ASCC1: variants seen among roughly 807,000 people sequenced by gnomAD.
ASCC1 encodes the protein ASC-1 complex subunit P50.
A neutral mutation model predicts 46.6 loss-of-function variants in ASCC1; 35 were observed. The ratio of observed to expected loss-of-function variants is 0.75; its 90% confidence interval spans 0.57 to 0.99. The LOEUF is 0.99. ASCC1 is among the 50% of genes least tolerant of loss of function. ASCC1 has a pLI of 0.00. For synonymous variants in ASCC1, 143 were observed against 146.6 expected, an observed-to-expected ratio of 0.98 and a Z score of 0.18; for missense variants, 376 against 428.7, an observed-to-expected ratio of 0.88 and a Z score of 1.09.
intron 7 of ASCC1, among the ~76,000 whole-genome samples, chr10:72,147,972 A>G (rs566625195): frequency 9.2e-5 from 14 of 152,326 alleles, no homozygotes; most frequent in African/African-American, 3.4e-4. Context: ...TTTTTATAAT[A>G]TTTATGACAT....
At chr10:72,167,236 A>T (rs1345672706) in intron 5 of ASCC1, among the ~76,000 whole-genome samples, 1 of 152,218 alleles carries the variant, frequency 6.6e-6, no homozygotes, top group East Asian at 1.9e-4. Flanking sequence ...GAATAAACAA[A>T]ATGTAGGCTA....
At chr10:72,185,364 T>C (rs1853296643) in intron 5 of ASCC1, among the ~76,000 whole-genome samples, 1 of 152,150 alleles carries the variant, frequency 6.6e-6, no homozygotes, top group Non-Finnish European at 1.5e-5. Context: ...CATCCAAACA[T>C]CTATCAGAGT....
intron 5 of ASCC1, among the ~76,000 whole-genome samples, chr10:72,174,303 G>A (rs891530674): frequency 6.6e-6 from 1 of 152,190 alleles, no homozygotes; most frequent in Non-Finnish European, 1.5e-5. Flanking sequence ...CTCGAGTGGG[G>A]CAGAACTGCT....
chr10:72,175,711 C>T (rs929652832), intron 5 of ASCC1, among the ~76,000 whole-genome samples: 1 of 152,198 alleles, frequency 6.6e-6, no homozygotes, highest in African/African-American at 2.4e-5. Context: ...AGCATCTCCC[C>T]TCACTAAAGG....
chr10:72,108,979 G>C (rs1366656885), intron 9 of ASCC1, among the ~76,000 whole-genome samples: 2 of 152,182 alleles, frequency 1.3e-5, no homozygotes, highest in African/African-American at 4.8e-5. Context: ...AAGACAATGA[G>C]GGTGGCAGGT....
At chr10:72,161,912 T>C (rs1308781673) in intron 5 of ASCC1, among the ~76,000 whole-genome samples, 2 of 151,954 alleles carry the variant, frequency 1.3e-5, no homozygotes, top group African/African-American at 4.8e-5. Context: ...ATTAACAAAA[T>C]AGATCATGAC....
intron 9 of ASCC1, among the ~76,000 whole-genome samples, chr10:72,127,660 G>GGTTC (rs1554827501): frequency 1.2e-5 from 1 of 86,898 alleles, no homozygotes; most frequent in African/African-American, 8.0e-5. Flanking sequence ...ATACCTAAGG[G>GGTTC]TTTCTTTTTT....
At chr10:72,105,260 C>G (rs531931101) in intron 9 of ASCC1, among the ~76,000 whole-genome samples, 2 of 152,160 alleles carry the variant, frequency 1.3e-5, no homozygotes, top group East Asian at 1.9e-4. Flanking sequence ...CCACAGACAG[C>G]GGGACAAAGA....
intron 1 of ASCC1, 164 bp from the exon 2 acceptor site, chr10:72,213,495 G>T: frequency 1.8e-6 from 1 of 550,328 alleles, no homozygotes; most frequent in Non-Finnish European, 3.4e-6. Flanking sequence ...AACCAGTTTA[G>T]GTTAATTGCT....
chr10:72,134,283 A>T (rs1845934817), intron 7 of ASCC1: 1 of 151,922 alleles, frequency 6.6e-6, no homozygotes, highest in Non-Finnish European at 1.5e-5. Context: ...AAATTTTTTA[A>T]ATTAGCTGGG....
intron 5 of ASCC1, among the ~76,000 whole-genome samples, chr10:72,193,352 A>T (rs1247646652): frequency 6.6e-6 from 1 of 152,132 alleles, no homozygotes; most frequent in East Asian, 1.9e-4. Context: ...TGAATCTCAA[A>T]AGCACTATGT....
intron 4 of ASCC1, 144 bp from the exon 5 acceptor site, chr10:72,197,133 G>GACTCTATCTCAAAAAAAAAAAAAA (rs1855556750): frequency 1.3e-6 from 1 of 760,854 alleles, no homozygotes; most frequent in Non-Finnish European, 2.3e-6. Context: ...ACAAATATAA[G>GACTCTATCTCAAAAAAAAAAAAAA]AAAACTGCTA....
intron 5 of ASCC1, among the ~76,000 whole-genome samples, chr10:72,177,958 C>G (rs551708525): frequency 1.4e-4 from 21 of 152,246 alleles, no homozygotes; most frequent in Non-Finnish European, 2.8e-4. Flanking sequence ...TGCAGTCAAA[C>G]AATATTTCTT....
intron 5 of ASCC1, among the ~76,000 whole-genome samples, chr10:72,180,548 C>T (rs538301792): frequency 1.3e-5 from 2 of 152,278 alleles, no homozygotes; most frequent in South Asian, 4.1e-4. Context: ...ATCACTTGAA[C>T]TCAGGAGGCG....
intron 9 of ASCC1, among the ~76,000 whole-genome samples, chr10:72,126,140 G>A (rs569088155): frequency 1.1e-4 from 17 of 152,246 alleles, no homozygotes; most frequent in East Asian, 7.7e-4. Flanking sequence ...GCATCTTTAC[G>A]GGAGGCAGCA....
At chr10:72,117,129 A>T (rs1564597764) in intron 9 of ASCC1, among the ~76,000 whole-genome samples, 1 of 152,184 alleles carries the variant, frequency 6.6e-6, no homozygotes, top group Non-Finnish European at 1.5e-5. Context: ...AAACAAATTT[A>T]AGCTTGGCTT....
At chr10:72,151,989 A>G (rs2132549344) in intron 7 of ASCC1, among the ~76,000 whole-genome samples, 1 of 86,046 alleles carries the variant, frequency 1.2e-5, no homozygotes, top group Admixed American at 1.7e-4. Context: ...GCAACCGGCC[A>G]ATATTTTTTT....
chr10:72,115,384 A>G (rs12257956), intron 9 of ASCC1, among the ~76,000 whole-genome samples: 24,051 of 152,096 alleles, frequency 0.16, 6,024 homozygotes, highest in African/African-American at 0.53. Flanking sequence ...TGATTTGGAC[A>G]GCTCTTACCA....
chr10:72,113,522 G>A (rs1261517536), intron 9 of ASCC1, among the ~76,000 whole-genome samples: 1 of 152,202 alleles, frequency 6.6e-6, no homozygotes, highest in East Asian at 1.9e-4. Context: ...TCTCATTAGT[G>A]TTTTAAGACT....
Sources: gnomAD v4.1 joint callset for allele counts (sites outside exome capture counted in the v4.1 genomes callset) on GRCh38, gnomAD v4.1.1 for gene constraint, MANE v1.5 for transcripts, NCBI Gene and HGNC (gene_info 2026-07-23, HGNC 2026-07-21) for gene names.